The following NTF3 variants were observed in gnomAD, a reference collection of about 807,000 sequenced individuals.
The protein encoded by NTF3 is neurotrophin-3.
Under a neutral mutation model 26.3 loss-of-function variants are expected in NTF3, and 8 were observed. The ratio of observed to expected loss-of-function variants is 0.30; its 90% confidence interval spans 0.18 to 0.55. The LOEUF is 0.55. Among genes scored for constraint, NTF3 ranks in the 20% least tolerant of loss-of-function variants. NTF3 has a pLI of 0.93. For synonymous variants in NTF3, 154 were observed against 145.5 expected (o/e 1.06, Z -0.42); for missense variants, 276 against 352.9 (o/e 0.78, Z 1.75).
intron 1 of NTF3, among the ~76,000 whole-genome samples, chr12:5,443,414 T>C (rs1416676059): frequency 6.6e-6 from 1 of 152,160 alleles, no homozygotes; most frequent in Non-Finnish European, 1.5e-5. Context: ...TGACCCCACA[T>C]GCAGCAGGAG....
chr12:5,443,857 G>C (rs191563809), intron 1 of NTF3, among the ~76,000 whole-genome samples: 1 of 152,098 alleles, frequency 6.6e-6, no homozygotes, highest in Non-Finnish European at 1.5e-5. Flanking sequence ...GTGTGCATGA[G>C]AGAGAGAGAA....
At chr12:5,432,407 A>G in intron 1 of NTF3, 65 bp downstream of exon 1, 1 of 1,571,584 alleles carries the variant, frequency 6.4e-7, no homozygotes, top group Non-Finnish European at 8.7e-7. Context: ...GTGGGGAGGG[A>G]TTTTCCAGTG....
At chr12:5,443,247 T>C (rs1940261806) in intron 1 of NTF3, among the ~76,000 whole-genome samples, 2 of 152,188 alleles carry the variant, frequency 1.3e-5, no homozygotes, top group African/African-American at 4.8e-5. Context: ...GCTGTTGGTC[T>C]TCTTGTCATG....
At chr12:5,475,101 GAC>G (rs1490597186) in intron 1 of NTF3, among the ~76,000 whole-genome samples, 3 of 151,968 alleles carry the variant, frequency 2.0e-5, no homozygotes, top group Non-Finnish European at 4.4e-5. Context: ...TGTGAGCATA[GAC>G]GTATCTACAC....
At chr12:5,445,251 G>A (rs1010866566) in intron 1 of NTF3, among the ~76,000 whole-genome samples, 18 of 128,680 alleles carry the variant, frequency 1.4e-4, no homozygotes, top group African/African-American at 3.5e-4. Flanking sequence ...ATTTCTGGAC[G>A]TCAGATCCAC....
chr12:5,491,611 T>A (rs1443465112), intron 1 of NTF3, among the ~76,000 whole-genome samples: 1 of 151,332 alleles, frequency 6.6e-6, no homozygotes, highest in Non-Finnish European at 1.5e-5. Flanking sequence ...GAGTAGTGAA[T>A]GGGGTTGGAG....
At chr12:5,440,809 C>T (rs928560728) in intron 1 of NTF3, among the ~76,000 whole-genome samples, 1 of 152,210 alleles carries the variant, frequency 6.6e-6, no homozygotes, top group Non-Finnish European at 1.5e-5. Context: ...TCCATGACTC[C>T]GCTGCTCCCT....
intron 1 of NTF3, among the ~76,000 whole-genome samples, chr12:5,441,081 A>C (rs1341918439): frequency 1.3e-5 from 2 of 152,184 alleles, no homozygotes; most frequent in Non-Finnish European, 2.9e-5. Flanking sequence ...GCTGAATTCA[A>C]TAAGCTAAAT....
chr12:5,487,275 C>T (rs1940878423), intron 1 of NTF3, among the ~76,000 whole-genome samples: 1 of 152,228 alleles, frequency 6.6e-6, no homozygotes, highest in African/African-American at 2.4e-5. Context: ...TGTGCCATGC[C>T]TTCCATCTTT....
chr12:5,481,104 G>A (rs1309259666), intron 1 of NTF3, among the ~76,000 whole-genome samples: 2 of 152,162 alleles, frequency 1.3e-5, no homozygotes, highest in Non-Finnish European at 2.9e-5. Flanking sequence ...CCCAGAGAGC[G>A]AGAGCCCTGC....
chr12:5,440,861 C>A lies in NTF3; in HGVS notation c.18+8519C>A, dbSNP rs540584593. Among the ~76,000 whole-genome samples, 11 of 152,326 alleles carry A rather than the reference C, an allele frequency of 7.2e-5. No individual in the cohort carries two copies. In the South Asian group the frequency reaches 1.9e-3, roughly 26 times the overall value. On this transcript the variant is annotated intron_variant, in intron 1 of 1. Coordinates refer to ENST00000423158, the MANE Select transcript of NTF3 (RefSeq NM_001102654.2). ...CCCATGCCTGGGATTTTCAGGTAAC[C>A]CTGCTGGCCTAGAGGACTTACATAG... is the stretch of plus-strand genomic sequence containing the variant.
At chr12:5,482,280 C>T (rs1940816713) in intron 1 of NTF3, among the ~76,000 whole-genome samples, 1 of 152,218 alleles carries the variant, frequency 6.6e-6, no homozygotes, top group African/African-American at 2.4e-5. Flanking sequence ...CAGGCACTGC[C>T]ACCCCTCTTG....
chr12:5,461,921 T>A (rs1940530675), intron 1 of NTF3, among the ~76,000 whole-genome samples: 1 of 152,182 alleles, frequency 6.6e-6, no homozygotes, highest in Non-Finnish European at 1.5e-5. Flanking sequence ...AAAAGAAAAC[T>A]AGAGAATGTT....
chr12:5,470,740 T>C (rs1006134987), intron 1 of NTF3, among the ~76,000 whole-genome samples: 1 of 152,216 alleles, frequency 6.6e-6, no homozygotes, highest in Non-Finnish European at 1.5e-5. Context: ...CCCATACCTG[T>C]CCAGCAGAGC....
intron 1 of NTF3, among the ~76,000 whole-genome samples, chr12:5,463,110 A>T (rs1274240382): frequency 3.9e-5 from 6 of 152,150 alleles, no homozygotes; most frequent in African/African-American, 1.4e-4. Context: ...CTTCTTCAAG[A>T]CAATATTAGA....
chr12:5,435,076 T>A (rs1940150521), intron 1 of NTF3, among the ~76,000 whole-genome samples: 1 of 152,160 alleles, frequency 6.6e-6, no homozygotes, highest in African/African-American at 2.4e-5. Flanking sequence ...GATGTACATT[T>A]AAGGGGAAAA....
Position 5,456,831 on chromosome 12 carries a change from A to G in NTF3, c.18+24489A>G, listed in dbSNP as rs1565388491. 1.3e-5 allele frequency among the ~76,000 whole-genome samples: 2 copies of G among 152,170 alleles called. No individual in the cohort carries two copies. The highest frequency in any genetic ancestry group is 2.4e-5 in the African/African-American group (1 of 41,444). On this transcript the variant is annotated intron_variant, in intron 1 of 1. Transcript: ENST00000423158. The surrounding 1 kb of genome is among the most constrained non-coding windows in gnomAD (Gnocchi z 4.4). ...AGAGCAAGCTCCCGTAGGTCAAGTG[A>G]TTTGGGCCCGAGTTGACCCAGAGTC... is the stretch of plus-strand genomic sequence containing the variant.
At chr12:5,472,150 G>T (rs1010706998) in intron 1 of NTF3, among the ~76,000 whole-genome samples, 3 of 152,132 alleles carry the variant, frequency 2.0e-5, no homozygotes, top group African/African-American at 7.2e-5. Context: ...TAATGGGAAT[G>T]ATTTGACATT....
chr12:5,468,043 G>C (rs755635099), intron 1 of NTF3, among the ~76,000 whole-genome samples: 24 of 151,250 alleles, frequency 1.6e-4, no homozygotes, highest in Non-Finnish European at 3.2e-4. Flanking sequence ...GGAATATTTT[G>C]GTCCTGTTCT....
Sources: gnomAD v4.1 joint callset for allele counts (sites outside exome capture counted in the v4.1 genomes callset) on GRCh38, gnomAD v4.1.1 for gene constraint, Gnocchi (gnomAD v3.1) non-coding constraint, MANE v1.5 for transcripts, NCBI Gene and HGNC (gene_info 2026-07-23, HGNC 2026-07-21) for gene names.